UNC5B: variants seen among roughly 807,000 people sequenced by gnomAD.
UNC5B encodes unc-5 netrin receptor B, also known as netrin receptor UNC5B.
Under a neutral mutation model 103.7 loss-of-function variants are expected in UNC5B, and 56 were observed. The observed-to-expected ratio is 0.54, with a 90% CI of 0.44 to 0.67. The LOEUF (loss-of-function observed/expected upper bound fraction) is 0.67. Among genes scored for constraint, UNC5B ranks in the 30% least tolerant of loss-of-function variants. The probability of loss-of-function intolerance (pLI) is 0.00; values close to 1 mark genes in which losing one functional copy is unlikely to be tolerated. For missense variants in UNC5B, 1,194 were observed against 1,284.5 expected, an observed-to-expected ratio of 0.93 and a Z score of 1.08; for synonymous variants, 577 against 542.0, an observed-to-expected ratio of 1.06 and a Z score of -0.90.
rs1046149958 is a variant in UNC5B at position 71,213,152 on chromosome 10, C to T, written c.79+88C>T. The T allele has an allele frequency of 8.2e-6, 9 of 1,091,088 alleles. No individual in the cohort carries two copies. The Admixed American group carries it at 3.0e-4, about 36-fold the overall frequency. 67.6% of individuals were successfully genotyped at this position (1,091,088 alleles called of 1,614,324 possible). A position where few individuals can be genotyped will look rare whatever the true frequency, so the allele number is the denominator to read the frequency against. Reference sequence around the variant, plus strand: ...AAGTTGAGGTGGTCTTTCGTCGCATCGATGCGCGCAGGAAAAGCGGCAAGG... The same window carrying T: ...AAGTTGAGGTGGTCTTTCGTCGCATTGATGCGCGCAGGAAAAGCGGCAAGG... On this transcript the variant is annotated intron_variant, in intron 1 of 16. Coordinates refer to ENST00000335350, the MANE Select transcript of UNC5B (RefSeq NM_170744.5). The surrounding 1 kb of genome is among the most constrained non-coding windows in gnomAD (Gnocchi z 4.1).
intron 13 of UNC5B, among the ~76,000 whole-genome samples, chr10:71,295,498 C>T (rs1042293161): frequency 6.6e-6 from 1 of 152,186 alleles, no homozygotes; most frequent in African/African-American, 2.4e-5. Context: ...TATACCCATC[C>T]TTGTATATCC....
chr10:71,277,362 AC>A (rs1327748402), intron 1 of UNC5B, among the ~76,000 whole-genome samples: 2 of 152,196 alleles, frequency 1.3e-5, no homozygotes, highest in Admixed American at 6.5e-5. Flanking sequence ...GCTGGTTCAG[AC>A]CCAGGGGCCT....
rs1844084330 is a variant in UNC5B, at chr10:71,248,285, G to A, written c.80-31536G>A. ...GTAGGCAGCCTTGCCTCTGGCCTTG[G>A]CAGCACTTTCCCAAGCAGGGACGCC... On this transcript the variant is annotated intron_variant, in intron 1 of 16. Coordinates refer to ENST00000335350, the MANE Select transcript of UNC5B (RefSeq NM_170744.5). 3.3e-5 allele frequency among the ~76,000 whole-genome samples: 5 copies of A among 152,198 alleles called. 1 individual carries two copies. The South Asian group carries it at 1.0e-3, about 32-fold the overall frequency.
rs373185204 is a variant in UNC5B, at chr10:71,289,066, A to G, written c.1099+76A>G. Reference sequence around the variant, plus strand: ...TCTTTGGCTGGCTTTTCCCGGGATCAGGGTGCAGGGCAGGGAGAGCTGAAG... The same window carrying G: ...TCTTTGGCTGGCTTTTCCCGGGATCGGGGTGCAGGGCAGGGAGAGCTGAAG... On this transcript the variant is annotated intron_variant, in intron 8 of 16. Coordinates refer to ENST00000335350, the MANE Select transcript of UNC5B (RefSeq NM_170744.5). 81 of 1,605,262 alleles carry G rather than the reference A, an allele frequency of 5.0e-5. No individual in the cohort carries two copies. The African/African-American group carries it at 9.6e-4, about 19-fold the overall frequency.
intron 1 of UNC5B, among the ~76,000 whole-genome samples, chr10:71,270,446 T>C (rs1184957890): frequency 6.6e-6 from 1 of 151,916 alleles, no homozygotes; most frequent in Non-Finnish European, 1.5e-5. Flanking sequence ...CTTAGGACTT[T>C]CTCCAGGGTC....
chr10:71,228,299 G>T (rs555635591), intron 1 of UNC5B, among the ~76,000 whole-genome samples: 29 of 152,034 alleles, frequency 1.9e-4, no homozygotes, highest in African/African-American at 7.0e-4. Context: ...GGTGGGAAAG[G>T]CTTTCTAACT....
chr10:71,233,508 TCCCTTGTCTCC>T (rs1300791912), intron 1 of UNC5B, among the ~76,000 whole-genome samples: 1 of 152,056 alleles, frequency 6.6e-6, no homozygotes, highest in Non-Finnish European at 1.5e-5. Context: ...GTCCCTATAC[TCCCTTGTCTCC>T]CCCTTCCCTC....
At chr10:71,224,408 CACACA>C (rs1843519636) in intron 1 of UNC5B, among the ~76,000 whole-genome samples, 1 of 151,616 alleles carries the variant, frequency 6.6e-6, no homozygotes, top group African/African-American at 2.4e-5. Flanking sequence ...CACACACACA[CACACA>C]CACGAAATGA....
At chr10:71,224,878 A>G (rs563984564) in intron 1 of UNC5B, among the ~76,000 whole-genome samples, 2 of 152,238 alleles carry the variant, frequency 1.3e-5, no homozygotes, top group Non-Finnish European at 2.9e-5. Context: ...CATATTAGAC[A>G]TAAGGTACAG....
intron 1 of UNC5B, among the ~76,000 whole-genome samples, chr10:71,233,212 G>A (rs1843715499): frequency 2.0e-5 from 3 of 152,180 alleles, no homozygotes. Flanking sequence ...TGGTCTTCCA[G>A]GAAGGTAGGA....
At chr10:71,275,420 A>G (rs1844745929) in intron 1 of UNC5B, among the ~76,000 whole-genome samples, 1 of 152,210 alleles carries the variant, frequency 6.6e-6, no homozygotes, top group Admixed American at 6.5e-5. Context: ...GCTGAGAGAC[A>G]TGGCTCAAGC....
At chr10:71,293,275 A>G in intron 11 of UNC5B, 130 bp from the exon 12 acceptor site, 1 of 1,033,372 alleles carries the variant, frequency 9.7e-7, no homozygotes, top group Non-Finnish European at 1.4e-6. Flanking sequence ...ACCTCTGGGA[A>G]TGCAGAGCCC....
At chr10:71,239,527 T>C (rs1843847340) in intron 1 of UNC5B, among the ~76,000 whole-genome samples, 1 of 152,134 alleles carries the variant, frequency 6.6e-6, no homozygotes, top group Non-Finnish European at 1.5e-5. Flanking sequence ...TCACTAATAG[T>C]TCCAGCCTCA....
chr10:71,224,254 G>GACACAC (rs140760302), intron 1 of UNC5B, among the ~76,000 whole-genome samples: 1 of 108,564 alleles, frequency 9.2e-6, no homozygotes, highest in Non-Finnish European at 1.9e-5. Flanking sequence ...CACACACACA[G>GACACAC]ACACACACAC....
At chr10:71,285,297 C>G in intron 3 of UNC5B, 29 bp from the exon 4 acceptor site, 2 of 1,586,380 alleles carry the variant, frequency 1.3e-6, no homozygotes, top group Admixed American at 1.8e-5. Context: ...CCGCACCTGA[C>G]TGCCTTGGGA....
At chr10:71,284,963 C>T in intron 3 of UNC5B, 100 bp downstream of exon 3, 1 of 1,486,526 alleles carries the variant, frequency 6.7e-7, no homozygotes. Flanking sequence ...CCTCCAGCAT[C>T]CCTGGCTGAG....
intron 9 of UNC5B, 49 bp from the exon 10 acceptor site, chr10:71,291,383 C>A: frequency 6.5e-7 from 1 of 1,538,670 alleles, no homozygotes; most frequent in South Asian, 1.3e-5. Context: ...GGAGCTGGGC[C>A]AGTGAGCTGA....
intron 1 of UNC5B, among the ~76,000 whole-genome samples, chr10:71,241,108 C>T (rs143779256): frequency 1.5e-3 from 230 of 152,338 alleles, no homozygotes; most frequent in South Asian, 2.7e-3. Flanking sequence ...CCTCCTTAGG[C>T]AAGAACTAGG....
chr10:71,288,435 G>C, intron 6 of UNC5B, 133 bp from the exon 7 acceptor site: 2 of 1,343,410 alleles, frequency 1.5e-6, no homozygotes, highest in Non-Finnish European at 2.0e-6. Context: ...GCACACATGT[G>C]TTCTGGGTTC....
Sources: gnomAD v4.1 joint callset for allele counts (sites outside exome capture counted in the v4.1 genomes callset) on GRCh38, gnomAD v4.1.1 for gene constraint, Gnocchi (gnomAD v3.1) non-coding constraint, MANE v1.5 for transcripts, NCBI Gene and HGNC (gene_info 2026-07-23, HGNC 2026-07-21) for gene names.